HPSE: variants seen among roughly 807,000 people sequenced by gnomAD.
HPSE encodes the protein endo-glucoronidase.
A neutral mutation model predicts 65.1 loss-of-function variants in HPSE; 48 were observed. The observed-to-expected ratio is 0.74, with a 90% CI of 0.58 to 0.94. The LOEUF is 0.94. Among genes scored for constraint, HPSE ranks in the 40% least tolerant of loss-of-function variants. The pLI is 0.00. For synonymous variants in HPSE, 243 were observed against 260.0 expected (o/e 0.93, Z 0.63); for missense variants, 644 against 637.5 (o/e 1.01, Z -0.11).
rs138290665 is a variant in HPSE, at chr4:83,309,459, A to G, written c.927T>C (p.Asp309=). The change falls in exon 7 of 12, where the codon GAT becomes GAC. Residue 309 remains aspartate (D), a synonymous_variant. Coordinates refer to ENST00000311412, the MANE Select transcript of HPSE (RefSeq NM_001098540.3). The part of the protein sequence containing the change: ...YLNGRTATKE[D]FLNPDVLDIF... Reference sequence around the variant, plus strand: ...TGTCCAATACATCAGGGTTTAGAAAATCTTCCTTGGTAGCAGTCCGTCCAT... The same window carrying G: ...TGTCCAATACATCAGGGTTTAGAAAGTCTTCCTTGGTAGCAGTCCGTCCAT... The G allele has an allele frequency of 6.3e-6, 10 of 1,591,748 alleles. No homozygotes were observed. The African/African-American group carries it at 1.1e-4, about 17-fold the overall frequency.
rs1737162175 is a variant in HPSE at position 83,326,528 on chromosome 4, T to C, written c.228-4164A>G. 6.6e-6 allele frequency among the ~76,000 whole-genome samples: 1 copy of C among 152,190 alleles called. No homozygotes were observed. Among genetic ancestry groups the C allele is most frequent in the African/African-American group, 2.4e-5 (1 of 41,440 alleles). Reference sequence around the variant, plus strand: ...AGTTTTGTAGAATTTGAGATACCAATGGAACACCAAAAAACATACTTCCAT... The same window carrying C: ...AGTTTTGTAGAATTTGAGATACCAACGGAACACCAAAAAACATACTTCCAT... On this transcript the variant is annotated intron_variant, in intron 1 of 11. Coordinates refer to ENST00000311412, the MANE Select transcript of HPSE (RefSeq NM_001098540.3). The surrounding 1 kb of genome is among the most constrained non-coding windows in gnomAD (Gnocchi z 4.2).
intron 11 of HPSE, among the ~76,000 whole-genome samples, chr4:83,298,176 T>C (rs977464150): frequency 6.6e-6 from 1 of 152,228 alleles, no homozygotes; most frequent in Admixed American, 6.5e-5. Flanking sequence ...TAGTGTTTTA[T>C]TTTATATTCT....
At chr4:83,332,174 T>C (rs1422678245) in intron 1 of HPSE, among the ~76,000 whole-genome samples, 1 of 152,250 alleles carries the variant, frequency 6.6e-6, no homozygotes, top group Non-Finnish European at 1.5e-5. Context: ...TCTTCACTTT[T>C]GAGGAACTGT....
intron 2 of HPSE, among the ~76,000 whole-genome samples, chr4:83,321,923 C>T (rs906612393): frequency 6.0e-5 from 9 of 150,130 alleles, no homozygotes; most frequent in African/African-American, 2.2e-4. Flanking sequence ...TTCTATCCTT[C>T]AGCTACAATC....
intron 1 of HPSE, among the ~76,000 whole-genome samples, chr4:83,330,317 G>A (rs1262453945): frequency 6.6e-6 from 1 of 152,234 alleles, no homozygotes; most frequent in Non-Finnish European, 1.5e-5. Flanking sequence ...TATTCTGTGA[G>A]GAGGACAGAG....
rs1015125320 is a variant in HPSE at position 83,334,818 on chromosome 4, C to G, written c.-36G>C. ...CCTGGCTGCTCCCCCCGCCAGCTGC[C>G]GCGCAGCGGAGAGTCGAGAGCTCTA... On this transcript the variant is annotated 5_prime_UTR_variant, in exon 1 of 12. Transcript: ENST00000311412. 7 of 1,481,544 alleles carry G rather than the reference C, an allele frequency of 4.7e-6. No individual in the cohort carries two copies. Among genetic ancestry groups the G allele is most frequent in the Non-Finnish European group, 6.3e-6 (7 of 1,117,364 alleles). 91.8% of individuals were successfully genotyped at this position (1,481,544 alleles called of 1,614,324 possible). A position where few individuals can be genotyped will look rare whatever the true frequency, so the allele number is the denominator to read the frequency against.
chr4:83,315,633 C>T (rs141432971), intron 3 of HPSE, among the ~76,000 whole-genome samples: 2 of 152,226 alleles, frequency 1.3e-5, no homozygotes, highest in Non-Finnish European at 1.5e-5. Context: ...ACAACTCTCC[C>T]ACTTATAGAC....
At chr4:83,303,827 C>G (rs773789364) in intron 9 of HPSE, among the ~76,000 whole-genome samples, 1 of 152,166 alleles carries the variant, frequency 6.6e-6, no homozygotes, top group Non-Finnish European at 1.5e-5. Context: ...CCACACCTAG[C>G]ACATACTGAA....
intron 1 of HPSE, among the ~76,000 whole-genome samples, chr4:83,328,251 T>C (rs1737226000): frequency 1.3e-5 from 2 of 152,216 alleles, no homozygotes; most frequent in South Asian, 4.1e-4. Context: ...ATACTCCCTC[T>C]CTAGGCGCAG....
intron 2 of HPSE, among the ~76,000 whole-genome samples, chr4:83,321,449 T>C (rs538329433): frequency 1.7e-4 from 26 of 152,294 alleles, no homozygotes; most frequent in African/African-American, 5.8e-4. Context: ...TTCAGTGGTG[T>C]ATACAATATT....
At chr4:83,313,374 C>A in intron 3 of HPSE, 87 bp from the exon 4 acceptor site, 1 of 799,462 alleles carries the variant, frequency 1.3e-6, no homozygotes, top group Non-Finnish European at 1.9e-6. Flanking sequence ...ATAACTATTT[C>A]TGTTGTTAAA....
chr4:83,312,841 CAAAA>C (rs1200808673), intron 4 of HPSE, among the ~76,000 whole-genome samples: 1 of 10,990 alleles, frequency 9.1e-5, no homozygotes, highest in East Asian at 3.1e-3. Flanking sequence ...ACTAAAAATG[CAAAA>C]AAAAAAAAAA....
chr4:83,328,367 C>T (rs1226149804), intron 1 of HPSE, among the ~76,000 whole-genome samples: 5 of 152,122 alleles, frequency 3.3e-5, no homozygotes, highest in Non-Finnish European at 5.9e-5. Flanking sequence ...GTGTCTGTCT[C>T]CAAATTTCTC....
intron 3 of HPSE, among the ~76,000 whole-genome samples, chr4:83,316,018 T>G (rs182216022): frequency 1.3e-5 from 2 of 152,038 alleles, no homozygotes; most frequent in Non-Finnish European, 2.9e-5. Flanking sequence ...ATCCATTCTT[T>G]TTTTCTTTTC....
At chr4:83,328,471 C>T (rs1169201199) in intron 1 of HPSE, among the ~76,000 whole-genome samples, 2 of 152,186 alleles carry the variant, frequency 1.3e-5, no homozygotes, top group Non-Finnish European at 2.9e-5. Flanking sequence ...TGACCCTATT[C>T]CCAAATAAAG....
In HPSE at chr4:83,292,935, C is replaced by T. The variant is rs1029098057; in HGVS notation, c.*2409G>A. Reference sequence around the variant, plus strand: ...ATGTACATCACTCAGGTGACAAGTACATTAAAAGCCGAGTCTTCACCACTA... The same window carrying T: ...ATGTACATCACTCAGGTGACAAGTATATTAAAAGCCGAGTCTTCACCACTA... On this transcript the variant is annotated 3_prime_UTR_variant, in exon 12 of 12. Coordinates refer to ENST00000311412, the MANE Select transcript of HPSE (RefSeq NM_001098540.3). 1 of 152,012 alleles carries T rather than the reference C, an allele frequency of 6.6e-6. No homozygotes were observed. The highest frequency in any genetic ancestry group is 1.5e-5 in the Non-Finnish European group (1 of 68,028). The allele number at this position is 152,012 out of a possible 1,614,324, so 9.4% of individuals were successfully genotyped here.
chr4:83,298,727 C>T (rs928825243), intron 11 of HPSE, among the ~76,000 whole-genome samples: 1 of 152,068 alleles, frequency 6.6e-6, no homozygotes. Context: ...ACTCAGAAGG[C>T]TGAGGAGGAA....
chr4:83,295,340 A>C lies in HPSE; in HGVS notation c.*4T>G, dbSNP rs1037581677. The stretch of plus-strand genomic sequence containing the variant: ...TTCAGTGTCAGGACTAGTATATTTT[A>C]TTTTCAGATGCAAGCAGCAACTTTG... On this transcript the variant is annotated 3_prime_UTR_variant, in exon 12 of 12. Coordinates refer to ENST00000311412, the MANE Select transcript of HPSE (RefSeq NM_001098540.3). 1.2e-6 allele frequency: 2 copies of C among 1,602,746 alleles called. No homozygotes were observed. Among genetic ancestry groups the C allele is most frequent in the Non-Finnish European group, 8.5e-7 (1 of 1,173,456 alleles).
chr4:83,325,379 T>C (rs555618842), intron 1 of HPSE, among the ~76,000 whole-genome samples: 25 of 152,308 alleles, frequency 1.6e-4, no homozygotes, highest in African/African-American at 6.0e-4. Context: ...TTGGCCAGGC[T>C]GGTCTTGAAC....
Sources: gnomAD v4.1 joint callset for allele counts (sites outside exome capture counted in the v4.1 genomes callset) on GRCh38, gnomAD v4.1.1 for gene constraint, Gnocchi (gnomAD v3.1) non-coding constraint, MANE v1.5 for transcripts, NCBI Gene and HGNC (gene_info 2026-07-23, HGNC 2026-07-21) for gene names.